The following CUX1 variants were observed in gnomAD, a reference collection of about 807,000 sequenced individuals.
The protein encoded by CUX1 is protein CASP.
Under a neutral mutation model 158.8 loss-of-function variants are expected in CUX1, and 31 were observed. That is an observed-to-expected ratio of 0.20 (90% CI 0.15 to 0.26). CUX1 has a LOEUF of 0.26. Among genes scored for constraint, CUX1 ranks in the 10% least tolerant of loss-of-function variants. CUX1 has a pLI of 1.00. For synonymous variants in CUX1, 879 were observed against 862.1 expected, an observed-to-expected ratio of 1.02 and a Z score of -0.34; for missense variants, 1,589 against 2,014.6, an observed-to-expected ratio of 0.79 and a Z score of 4.04.
chr7:102,151,752 A>C (rs978634946), intron 8 of CUX1, among the ~76,000 whole-genome samples: 6 of 149,638 alleles, frequency 4.0e-5, no homozygotes, highest in African/African-American at 1.2e-4. Flanking sequence ...AAAAAAAAAA[A>C]AAAAAACCTG....
intron 3 of CUX1, among the ~76,000 whole-genome samples, chr7:102,050,684 T>TTTTTTA (rs1554467386): frequency 9.4e-4 from 139 of 147,552 alleles, no homozygotes; most frequent in South Asian, 5.2e-3. Context: ...GTGAATTCTT[T>TTTTTTA]TTATTATTAT....
intron 2 of CUX1, among the ~76,000 whole-genome samples, chr7:102,023,615 C>T (rs994548796): frequency 2.0e-5 from 3 of 152,172 alleles, no homozygotes; most frequent in East Asian, 1.9e-4. Flanking sequence ...CGTGAGCCGC[C>T]GTGCCTGGCC....
chr7:101,870,067 T>C (rs1798328215), intron 1 of CUX1, among the ~76,000 whole-genome samples: 1 of 151,058 alleles, frequency 6.6e-6, no homozygotes, highest in Non-Finnish European at 1.5e-5. Context: ...TTCCATCCGG[T>C]GTCTTCACCC....
chr7:102,076,210 C>T (rs921357245), intron 4 of CUX1, among the ~76,000 whole-genome samples: 3 of 152,042 alleles, frequency 2.0e-5, no homozygotes, highest in African/African-American at 7.3e-5. Context: ...GGTGAAACCT[C>T]GTCTCTACTA....
Position 102,227,462 on chromosome 7 carries a change from C to T in CUX1, c.3226C>T (p.Gln1076Ter), listed in dbSNP as rs782698210. ...SVKSLTELVQ[Q>*]PCPPIEASKD... ...GAAGAGCCTGACCGAGCTGGTCCAGCAGCCCTGTCCCCCCATCGAGGCGAG... is the reference window on the plus strand; with the variant it reads ...GAAGAGCCTGACCGAGCTGGTCCAGTAGCCCTGTCCCCCCATCGAGGCGAG... Residue 1076 changes from glutamine (Q) to a stop codon, truncating the protein, a stop_gained, in exon 21 of 24, where the codon CAG becomes TAG. Coordinates refer to ENST00000292535, the MANE Select transcript of CUX1 (RefSeq NM_181552.4). LOFTEE classifies it high-confidence loss of function. 6.2e-7 allele frequency: 1 copy of T among 1,614,014 alleles called. No homozygotes were observed. Among genetic ancestry groups the T allele is most frequent in the African/African-American group, 1.3e-5 (1 of 74,928 alleles).
chr7:102,233,284 C>G (rs782430774), intron 21 of CUX1, among the ~76,000 whole-genome samples: 10 of 150,080 alleles, frequency 6.7e-5, no homozygotes, highest in Non-Finnish European at 1.5e-4. Flanking sequence ...CTCCTGGGCT[C>G]AGGCAATCCT....
rs568336552 is a variant in CUX1 at position 102,087,882 on chromosome 7, G to A, written c.269-9482G>A. 3.9e-5 allele frequency among the ~76,000 whole-genome samples: 6 copies of A among 152,036 alleles called. No individual in the cohort carries two copies. In the South Asian group the frequency reaches 8.3e-4, roughly 21 times the overall value. ...CCCTTGCGTGGATTCAAGTATGCAC[G>A]TGAAATCATTTTCTTTTGGTCTATA... On this transcript the variant is annotated intron_variant, in intron 4 of 23. Transcript: ENST00000292535.
chr7:102,140,864 C>CAAA (rs61268006), intron 8 of CUX1, among the ~76,000 whole-genome samples: 1 of 105,102 alleles, frequency 9.5e-6, no homozygotes. Context: ...GACTTCGTCT[C>CAAA]AAAAAAAAAA....
intron 1 of CUX1, among the ~76,000 whole-genome samples, chr7:101,889,490 G>A (rs1800622547): frequency 6.6e-6 from 1 of 152,172 alleles, no homozygotes; most frequent in South Asian, 2.1e-4. Flanking sequence ...CATCCAGTGG[G>A]CCGGGTGCAG....
At chr7:102,158,643 C>T in intron 9 of CUX1, 35 bp downstream of exon 9, 1 of 1,602,664 alleles carries the variant, frequency 6.2e-7, no homozygotes, top group Non-Finnish European at 8.5e-7. Flanking sequence ...CTAAAACCCA[C>T]AATAGCGGGC....
At chr7:102,015,010 G>C (rs563313415) in intron 2 of CUX1, among the ~76,000 whole-genome samples, 1 of 152,066 alleles carries the variant, frequency 6.6e-6, no homozygotes, top group Non-Finnish European at 1.5e-5. Flanking sequence ...TTTACCCATC[G>C]TTCATTATTA....
intron 18 of CUX1, chr7:102,279,985 C>T (rs564695571): frequency 1.6e-6 from 2 of 1,262,228 alleles, no homozygotes; most frequent in Non-Finnish European, 2.3e-6. Flanking sequence ...CCTGCCCTTC[C>T]CGCTGGGCCC....
At chr7:101,816,047 G>C (rs1351266529), upstream of CUX1, 2 of 1,434,182 alleles carry the variant, frequency 1.4e-6, no homozygotes, top group Non-Finnish European at 1.9e-6. Flanking sequence ...GCCAATGTGG[G>C]ATCGATGTTT....
chr7:101,928,046 T>G (rs1413960719), intron 2 of CUX1, among the ~76,000 whole-genome samples: 2 of 152,186 alleles, frequency 1.3e-5, no homozygotes, highest in African/African-American at 4.8e-5. Context: ...GTCCAGCCGT[T>G]TTTACAGGGC....
At chr7:101,836,119 T>C (rs1794593122) in intron 1 of CUX1, among the ~76,000 whole-genome samples, 1 of 152,246 alleles carries the variant, frequency 6.6e-6, no homozygotes. Context: ...TCATTGATTC[T>C]ATTTTTTTGT....
chr7:101,891,553 A>G (rs1800877000), intron 1 of CUX1, among the ~76,000 whole-genome samples: 1 of 152,174 alleles, frequency 6.6e-6, no homozygotes. Flanking sequence ...TCACTTAATG[A>G]TCGGGGTTTA....
chr7:102,244,880 C>T (rs1800636781), intron 23 of CUX1, among the ~76,000 whole-genome samples: 1 of 152,180 alleles, frequency 6.6e-6, no homozygotes, highest in African/African-American at 2.4e-5. Context: ...ACCACAACTG[C>T]TCCTGGAAGC....
chr7:101,872,936 G>T (rs1157717720), intron 1 of CUX1, among the ~76,000 whole-genome samples: 1 of 152,012 alleles, frequency 6.6e-6, no homozygotes, highest in Admixed American at 6.5e-5. Context: ...GCAGTGGCCC[G>T]ATCTCAGCTC....
intron 2 of CUX1, among the ~76,000 whole-genome samples, chr7:101,954,995 A>C (rs1432934841): frequency 6.6e-6 from 1 of 152,060 alleles, no homozygotes; most frequent in African/African-American, 2.4e-5. Context: ...ACATGGTGAG[A>C]CCCTGTCTCT....
Sources: gnomAD v4.1 joint callset for allele counts (sites outside exome capture counted in the v4.1 genomes callset) on GRCh38, gnomAD v4.1.1 for gene constraint, MANE v1.5 for transcripts, NCBI Gene and HGNC (gene_info 2026-07-23, HGNC 2026-07-21) for gene names.